Variants in LRMDA observed in about 807,000 individuals in gnomAD.
LRMDA encodes leucine-rich melanocyte differentiation-associated protein.
A neutral mutation model predicts 29.8 loss-of-function variants in LRMDA; 18 were observed. The ratio of observed to expected loss-of-function variants is 0.60; its 90% CI spans 0.42 to 0.90. LRMDA has a LOEUF of 0.90. LRMDA is among the 40% of genes least tolerant of loss of function. LRMDA has a pLI of 0.00. For synonymous variants in LRMDA, 125 were observed against 109.4 expected, an observed-to-expected ratio of 1.14 and a Z score of -0.89; for missense variants, 273 against 273.9, an observed-to-expected ratio of 1.00 and a Z score of 0.02.
intron 2 of LRMDA, among the ~76,000 whole-genome samples, chr10:75,750,306 C>G (rs994869969): frequency 2.6e-5 from 4 of 151,570 alleles, no homozygotes; most frequent in African/African-American, 9.7e-5. Flanking sequence ...GGCTGCCCCC[C>G]ACCTCCCTCC....
At chr10:75,863,887 T>C (rs1353969532) in intron 2 of LRMDA, among the ~76,000 whole-genome samples, 1 of 152,192 alleles carries the variant, frequency 6.6e-6, no homozygotes, top group East Asian at 1.9e-4. Context: ...AATTGATTTT[T>C]CCCATATATT....
chr10:76,344,521 G>T (rs11001737), intron 6 of LRMDA, among the ~76,000 whole-genome samples: 16,472 of 151,564 alleles, frequency 0.11, 1,049 homozygotes, highest in East Asian at 0.32. Flanking sequence ...TTTTTCTTCC[G>T]TTTTAAACTA....
intron 5 of LRMDA, among the ~76,000 whole-genome samples, chr10:76,252,941 G>T (rs74150560): frequency 0.048 from 7,329 of 152,294 alleles, 585 homozygotes; most frequent in African/African-American, 0.17. Context: ...GGAACCTGAG[G>T]ATTGGAAGAA....
At chr10:75,658,902 C>T (rs1589149043) in intron 2 of LRMDA, among the ~76,000 whole-genome samples, 2 of 152,304 alleles carry the variant, frequency 1.3e-5, no homozygotes, top group East Asian at 1.9e-4. Flanking sequence ...GGCCACTGCC[C>T]CTGTCCTTCC....
intron 2 of LRMDA, among the ~76,000 whole-genome samples, chr10:75,618,459 A>G (rs920126221): frequency 1.4e-5 from 2 of 145,570 alleles, no homozygotes; most frequent in African/African-American, 2.5e-5. Context: ...TATATAAACT[A>G]TATATATATC....
intron 6 of LRMDA, among the ~76,000 whole-genome samples, chr10:76,396,055 TA>T (rs1841779870): frequency 1.3e-5 from 2 of 152,210 alleles, no homozygotes; most frequent in African/African-American, 4.8e-5. Context: ...TTAAGGGCTT[TA>T]GCATCCTACC....
chr10:76,107,465 G>T (rs1424853658), intron 5 of LRMDA, among the ~76,000 whole-genome samples: 2 of 152,192 alleles, frequency 1.3e-5, no homozygotes, highest in Non-Finnish European at 2.9e-5. Flanking sequence ...AAGGCAGTCT[G>T]GGCCTTTTGA....
At chr10:75,957,551 T>C (rs1846685264) in intron 2 of LRMDA, among the ~76,000 whole-genome samples, 1 of 152,160 alleles carries the variant, frequency 6.6e-6, no homozygotes. Context: ...GAGGAACTGA[T>C]GAATGAGGGA....
At chr10:76,107,623 T>C (rs992094047) in intron 5 of LRMDA, among the ~76,000 whole-genome samples, 1 of 152,240 alleles carries the variant, frequency 6.6e-6, no homozygotes, top group African/African-American at 2.4e-5. Context: ...TTCCGCTGTC[T>C]CTGTTAACAC....
At chr10:76,510,837 C>T (rs1843003171) in intron 6 of LRMDA, among the ~76,000 whole-genome samples, 2 of 152,154 alleles carry the variant, frequency 1.3e-5, no homozygotes, top group South Asian at 4.1e-4. Flanking sequence ...TCTACTGTAT[C>T]GCCTTTCACA....
intron 2 of LRMDA, among the ~76,000 whole-genome samples, chr10:75,863,893 A>G (rs1844976680): frequency 6.6e-6 from 1 of 152,170 alleles, no homozygotes; most frequent in African/African-American, 2.4e-5. Flanking sequence ...TTTTTCCCAT[A>G]TATTATTTTT....
At chr10:75,488,382 G>C (rs1290814148) in intron 2 of LRMDA, among the ~76,000 whole-genome samples, 1 of 152,190 alleles carries the variant, frequency 6.6e-6, no homozygotes, top group Non-Finnish European at 1.5e-5. Flanking sequence ...CTCAGAGTGT[G>C]CTTGGCTCCT....
intron 2 of LRMDA, among the ~76,000 whole-genome samples, chr10:75,848,394 T>C (rs1035083572): frequency 3.3e-5 from 5 of 152,128 alleles, no homozygotes; most frequent in African/African-American, 9.7e-5. Flanking sequence ...ATGTAGAGTA[T>C]GGGTTTTCTT....
chr10:76,430,057 A>C (rs527442018), intron 6 of LRMDA, among the ~76,000 whole-genome samples: 17 of 152,218 alleles, frequency 1.1e-4, no homozygotes, highest in Admixed American at 2.6e-4. Context: ...AATTTATCTT[A>C]TGATATCATA....
intron 6 of LRMDA, among the ~76,000 whole-genome samples, chr10:76,433,128 A>G (rs1253823400): frequency 3.9e-5 from 6 of 152,208 alleles, no homozygotes; most frequent in Non-Finnish European, 8.8e-5. Flanking sequence ...CTCCCAGTCC[A>G]GTGCAGCTGA....
chr10:76,150,421 C>G (rs1422718927), intron 5 of LRMDA, among the ~76,000 whole-genome samples: 7 of 152,308 alleles, frequency 4.6e-5, no homozygotes, highest in African/African-American at 9.6e-5. Context: ...TGTTTTCTTT[C>G]GGTCACCCAC....
intron 2 of LRMDA, among the ~76,000 whole-genome samples, chr10:75,775,611 G>C (rs544161432): frequency 2.6e-5 from 4 of 152,196 alleles, no homozygotes; most frequent in Non-Finnish European, 5.9e-5. Context: ...ACATGTGTGA[G>C]TCATATGTAA....
chr10:76,307,674 C>T lies in LRMDA; in HGVS notation c.517-16727C>T, dbSNP rs567914236. On this transcript the variant is annotated intron_variant, in intron 5 of 6. Transcript: ENST00000611255. ...TAGGCACATAACCCAAAGCAGGCCA[C>T]GGATTCCCAGATTTTGTTGGAACTT... 3.3e-5 allele frequency among the ~76,000 whole-genome samples: 5 copies of T among 152,224 alleles called. No homozygotes were observed. The South Asian group carries it at 6.2e-4, about 19-fold the overall frequency.
intron 5 of LRMDA, among the ~76,000 whole-genome samples, chr10:76,125,816 T>A (rs937126970): frequency 6.6e-6 from 1 of 152,192 alleles, no homozygotes; most frequent in African/African-American, 2.4e-5. Flanking sequence ...CATCACTGTC[T>A]ACTCACAGAG....
Sources: gnomAD v4.1 joint callset for allele counts (sites outside exome capture counted in the v4.1 genomes callset) on GRCh38, gnomAD v4.1.1 for gene constraint, MANE v1.5 for transcripts, NCBI Gene and HGNC (gene_info 2026-07-23, HGNC 2026-07-21) for gene names.